Variants in CDC20B observed in about 807,000 individuals in gnomAD.
CDC20B encodes cell division cycle protein 20 homolog B.
In CDC20B, 58 loss-of-function variants were observed where a neutral mutation model predicts 64.1. The observed-to-expected ratio is 0.90, with a 90% CI of 0.73 to 1.13. The LOEUF (loss-of-function observed/expected upper bound fraction) is 1.13. Among genes scored for constraint, CDC20B ranks in the 50% most tolerant of loss-of-function variants. The pLI, the probability that CDC20B is intolerant of heterozygous loss-of-function variation, is 0.00. For missense variants in CDC20B, 597 were observed against 633.0 expected, an observed-to-expected ratio of 0.94 and a Z score of 0.61; for synonymous variants, 243 against 230.6, an observed-to-expected ratio of 1.05 and a Z score of -0.49.
intron 6 of CDC20B, among the ~76,000 whole-genome samples, chr5:55,133,050 T>C (rs936726468): frequency 6.6e-6 from 1 of 151,568 alleles, no homozygotes; most frequent in South Asian, 2.1e-4. Flanking sequence ...CAGTTAGTCC[T>C]GTCCTCCAAA....
chr5:55,151,511 A>G (rs1743667569), intron 2 of CDC20B, among the ~76,000 whole-genome samples: 2 of 152,262 alleles, frequency 1.3e-5, no homozygotes, highest in South Asian at 2.1e-4. Flanking sequence ...AAGAAATTCT[A>G]AACTTTAAAT....
chr5:55,160,919 G>A (rs1310945194), intron 2 of CDC20B: 3 of 1,479,476 alleles, frequency 2.0e-6, no homozygotes, highest in Non-Finnish European at 2.7e-6. Flanking sequence ...AATTGTTTAG[G>A]ATTTTAACTA....
chr5:55,143,543 G>A lies in CDC20B; in HGVS notation c.456C>T (p.Asp152=). The change falls in exon 4 of 12, where the codon GAC becomes GAT. Residue 152 remains aspartate, a synonymous_variant. Transcript: ENST00000381375. ...FCKAPHAMDR[D]WKESVASKGQ... Reference sequence around the variant, plus strand: ...CTTTTGAGGCAACACTTTCTTTCCAGTCTCTGTCCATTGCATGAGGTGCCT... The same window carrying A: ...CTTTTGAGGCAACACTTTCTTTCCAATCTCTGTCCATTGCATGAGGTGCCT... The A allele has an allele frequency of 3.1e-6, 5 of 1,608,268 alleles. No homozygotes were observed. The South Asian group carries it at 3.3e-5, about 11-fold the overall frequency.
chr5:55,155,090 G>T (rs1743772583), intron 2 of CDC20B, among the ~76,000 whole-genome samples: 1 of 152,134 alleles, frequency 6.6e-6, no homozygotes, highest in Non-Finnish European at 1.5e-5. Context: ...GGAAGAGGAA[G>T]ATAAGAAAAG....
chr5:55,139,361 A>T (rs1338859828), intron 5 of CDC20B, among the ~76,000 whole-genome samples: 1 of 152,208 alleles, frequency 6.6e-6, no homozygotes, highest in Non-Finnish European at 1.5e-5. Flanking sequence ...AATATTGATG[A>T]AAAGTCCCAG....
rs336115 is a variant in CDC20B at position 55,173,093 on chromosome 5, C to T, written c.-93G>A. 784,393 of 1,108,330 alleles carry T rather than the reference C, an allele frequency of 0.71. 278,664 individuals carry two copies. The highest frequency in any genetic ancestry group is 0.77 in the Admixed American group (38,109 of 49,636). The allele number at this position is 1,108,330 out of a possible 1,614,324, so 68.7% of individuals were successfully genotyped here. ...GTCTAAGTCAGTCTTGACGCCTAAT[C>T]GTCAAACCCCTGGAGTCCCGTCCCC... On this transcript the variant is annotated 5_prime_UTR_variant, in exon 1 of 12. Transcript: ENST00000381375.
intron 8 of CDC20B, 76 bp from the exon 9 acceptor site, chr5:55,125,104 C>G: frequency 1.7e-6 from 2 of 1,211,694 alleles, no homozygotes; most frequent in South Asian, 2.7e-5. Flanking sequence ...AAGCATAGTT[C>G]AAAGTAAAAC....
At position 55,131,382 on chromosome 5, in the gene CDC20B, A is replaced by T. The variant is rs563282734; in HGVS notation, c.697+2030T>A. Among the ~76,000 whole-genome samples, 29 of 152,318 alleles carry T rather than the reference A, an allele frequency of 1.9e-4. 1 individual carries two copies. The South Asian group carries it at 4.6e-3, about 24-fold the overall frequency. On this transcript the variant is annotated intron_variant, in intron 6 of 11. Transcript: ENST00000381375. ...AGATCAATTAAAATAGAACAGAAGT[A>T]AAAAAAGAAAAGATGTCCAAGGAAC...
At chr5:55,165,445 C>G (rs1439292325) in intron 2 of CDC20B, 1 of 152,140 alleles carries the variant, frequency 6.6e-6, no homozygotes, top group African/African-American at 2.4e-5. Flanking sequence ...AAGAAAAAGA[C>G]CCAATTTAAG....
rs142428554 is a variant in CDC20B, at chr5:55,171,884, C to G, written c.126+704G>C. Among the ~76,000 whole-genome samples the G allele has an allele frequency of 7.0e-3, 1,067 of 152,292 alleles. 14 individuals are homozygous for G. Among genetic ancestry groups the G allele is most frequent in the African/African-American group, 0.024 (1,008 of 41,554 alleles). On this transcript the variant is annotated intron_variant, in intron 2 of 11. Transcript: ENST00000381375. ...CATCCCAAAGTGCCGGGATTACAGG[C>G]ATGAGCCACAGTGCCTAGTTGCAAA...
intron 6 of CDC20B, among the ~76,000 whole-genome samples, chr5:55,132,410 G>A (rs371200410): frequency 7.2e-5 from 11 of 152,116 alleles, no homozygotes; most frequent in African/African-American, 1.2e-4. Flanking sequence ...ACCAGCATTC[G>A]TTTCAAATAA....
chr5:55,141,551 C>T (rs1003323152), intron 4 of CDC20B, among the ~76,000 whole-genome samples: 1 of 152,182 alleles, frequency 6.6e-6, no homozygotes. Flanking sequence ...GTGCTCTATA[C>T]TCACTGAGTC....
chr5:55,136,339 C>G (rs924712463), intron 5 of CDC20B: 1 of 151,514 alleles, frequency 6.6e-6, no homozygotes, highest in Non-Finnish European at 1.5e-5. Context: ...GTGGGCAGAT[C>G]ATTTGTGGCC....
At chr5:55,158,793 AC>A (rs890719449) in intron 2 of CDC20B, among the ~76,000 whole-genome samples, 17 of 151,890 alleles carry the variant, frequency 1.1e-4, no homozygotes, top group Admixed American at 1.0e-3. Flanking sequence ...CCCCATACCT[AC>A]CCCTAAAATT....
chr5:55,145,161 A>G (rs1047595994), intron 3 of CDC20B, among the ~76,000 whole-genome samples: 3 of 152,230 alleles, frequency 2.0e-5, no homozygotes, highest in African/African-American at 7.2e-5. Context: ...ACTGTCCCTC[A>G]ATTGCAATGA....
chr5:55,152,592 C>G (rs1039826416), intron 2 of CDC20B, among the ~76,000 whole-genome samples: 1 of 152,216 alleles, frequency 6.6e-6, no homozygotes, highest in Non-Finnish European at 1.5e-5. Context: ...ATCATTGTCT[C>G]TATGAATGGC....
intron 9 of CDC20B, among the ~76,000 whole-genome samples, chr5:55,121,859 T>C (rs565538301): frequency 1.1e-4 from 16 of 152,350 alleles, no homozygotes; most frequent in South Asian, 4.1e-4. Context: ...CTTCCCACCA[T>C]GTGGATTTTT....
chr5:55,160,347 T>C, intron 2 of CDC20B: 1 of 1,613,576 alleles, frequency 6.2e-7, no homozygotes, highest in Non-Finnish European at 8.5e-7. Context: ...GCCTTTGAAG[T>C]GAAGGATGCA....
chr5:55,142,121 T>C (rs1441200637), intron 4 of CDC20B, among the ~76,000 whole-genome samples: 2 of 152,142 alleles, frequency 1.3e-5, no homozygotes, highest in African/African-American at 2.4e-5. Context: ...GGGTGCTCTT[T>C]CCTAGATGAG....
Sources: gnomAD v4.1 joint callset for allele counts (sites outside exome capture counted in the v4.1 genomes callset) on GRCh38, gnomAD v4.1.1 for gene constraint, MANE v1.5 for transcripts, NCBI Gene and HGNC (gene_info 2026-07-23, HGNC 2026-07-21) for gene names.